Variants in CFAP69 observed in about 807,000 individuals in gnomAD.
CFAP69 encodes the protein cilia- and flagella-associated protein 69.
CFAP69 carries 92 observed loss-of-function variants against 123.0 expected under a neutral mutation model. The ratio of observed to expected loss-of-function variants is 0.75; its 90% CI spans 0.63 to 0.89. CFAP69 has a LOEUF of 0.89. Among genes scored for constraint, CFAP69 ranks in the 40% least tolerant of loss-of-function variants. The pLI is 0.00. For missense variants in CFAP69, 1,067 were observed against 1,096.9 expected, an observed-to-expected ratio of 0.97 and a Z score of 0.39; for synonymous variants, 380 against 364.3, an observed-to-expected ratio of 1.04 and a Z score of -0.49.
In CFAP69 at chr7:90,303,665, A is replaced by G. The variant is rs142610590; in HGVS notation, c.2051-304A>G. ...ATCACTGTTAAACTGACATTACTCA[A>G]GTTCTGGATTTCAAAATTTTTTAAA... On this transcript the variant is annotated intron_variant, in intron 17 of 22. Transcript: ENST00000389297. 4.2e-4 allele frequency: 413 copies of G among 990,486 alleles called. 1 individual carries two copies. In the African/African-American group the frequency reaches 6.6e-3, roughly 16 times the overall value. The allele number at this position is 990,486 out of a possible 1,614,324, so 61.4% of individuals were successfully genotyped here.
chr7:90,309,125 G>C (rs900108244), intron 21 of CFAP69, 138 bp from the exon 22 acceptor site: 6 of 453,336 alleles, frequency 1.3e-5, no homozygotes, highest in Non-Finnish European at 2.4e-5. Flanking sequence ...GTCTAAATGA[G>C]TAAATGCAGA....
At chr7:90,291,816 G>A (rs1284982459) in intron 15 of CFAP69, among the ~76,000 whole-genome samples, 1 of 152,118 alleles carries the variant, frequency 6.6e-6, no homozygotes, top group Non-Finnish European at 1.5e-5. Flanking sequence ...ATATCTGAAA[G>A]AGTAACAATT....
chr7:90,269,904 A>T (rs1799709683), intron 6 of CFAP69, among the ~76,000 whole-genome samples: 1 of 152,140 alleles, frequency 6.6e-6, no homozygotes, highest in Admixed American at 6.5e-5. Context: ...GGAAGGTGAA[A>T]TTCTCAAAGA....
At chr7:90,292,032 T>A (rs1300524440) in intron 15 of CFAP69, among the ~76,000 whole-genome samples, 1 of 152,204 alleles carries the variant, frequency 6.6e-6, no homozygotes, top group East Asian at 1.9e-4. Flanking sequence ...ACCATAGTTC[T>A]TGAAACATAT....
At chr7:90,282,063 G>A (rs147223636) in intron 12 of CFAP69, among the ~76,000 whole-genome samples, 389 of 152,114 alleles carry the variant, frequency 2.6e-3, no homozygotes, top group African/African-American at 8.8e-3. Context: ...AACAGATTTC[G>A]TGGGGGAAAA....
Position 90,286,403 on chromosome 7 carries a change from T to A in CFAP69, c.1656+4T>A, listed in dbSNP as rs781501078. ...TGAGAATCACATTCAAAGGAAGGTA[T>A]GTATGCCTGTGAAAGTTTTGTTCAG... On this transcript the variant is annotated splice_donor_region_variant and intron_variant, in intron 14 of 22. Coordinates refer to ENST00000389297, the MANE Select transcript of CFAP69 (RefSeq NM_001039706.3). The A allele has an allele frequency of 1.2e-6, 2 of 1,609,796 alleles. No individual in the cohort carries two copies. Among genetic ancestry groups the A allele is most frequent in the Middle Eastern group, 1.7e-4 (1 of 6,048 alleles).
intron 8 of CFAP69, among the ~76,000 whole-genome samples, chr7:90,273,184 G>A (rs573984237): frequency 3.4e-4 from 51 of 152,178 alleles, no homozygotes; most frequent in African/African-American, 1.1e-3. Context: ...TTTTGCATGC[G>A]GAGAGCATCC....
At chr7:90,246,299 G>C (rs530378108) in intron 1 of CFAP69, among the ~76,000 whole-genome samples, 19 of 152,264 alleles carry the variant, frequency 1.2e-4, no homozygotes, top group African/African-American at 4.6e-4. Flanking sequence ...GGATTCCATT[G>C]ATCCCCCAGA....
intron 15 of CFAP69, among the ~76,000 whole-genome samples, chr7:90,296,300 G>C (rs1791951411): frequency 1.3e-5 from 2 of 151,992 alleles, no homozygotes; most frequent in African/African-American, 2.4e-5. Context: ...ATTGACCAAG[G>C]CCTGAGGCAC....
rs1340734716 is a variant in CFAP69, at chr7:90,262,725, C to T, written c.356+669C>T. On this transcript the variant is annotated intron_variant, in intron 4 of 22. Coordinates refer to ENST00000389297, the MANE Select transcript of CFAP69 (RefSeq NM_001039706.3). Reference sequence around the variant, plus strand: ...GAATAAACCTTTTGGACAATTTTACCTTCTGAACCTTTCTACCAATTTAAC... The same window carrying T: ...GAATAAACCTTTTGGACAATTTTACTTTCTGAACCTTTCTACCAATTTAAC... Among the ~76,000 whole-genome samples the T allele has an allele frequency of 3.3e-5, 5 of 151,860 alleles. No homozygotes were observed. The East Asian group carries it at 9.7e-4, about 29-fold the overall frequency.
chr7:90,279,951 C>T lies in CFAP69; in HGVS notation c.1372+58C>T, dbSNP rs574014348. On this transcript the variant is annotated intron_variant, in intron 12 of 22. Coordinates refer to ENST00000389297, the MANE Select transcript of CFAP69 (RefSeq NM_001039706.3). ...CTAATCTTCATATTTCAACTGAATG[C>T]TCAGTATATGCATAGAAATAACAAT... 7 of 1,302,514 alleles carry T rather than the reference C, an allele frequency of 5.4e-6. No individual in the cohort carries two copies. In the South Asian group the frequency reaches 7.6e-5, roughly 14 times the overall value. 80.7% of individuals were successfully genotyped at this position (1,302,514 alleles called of 1,614,324 possible). A position where few individuals can be genotyped will look rare whatever the true frequency, so the allele number is the denominator to read the frequency against.
At chr7:90,295,962 G>A (rs1791889856) in intron 15 of CFAP69, among the ~76,000 whole-genome samples, 1 of 152,156 alleles carries the variant, frequency 6.6e-6, no homozygotes, top group Non-Finnish European at 1.5e-5. Flanking sequence ...CTTGGTTTTG[G>A]TGGGTTTTAG....
chr7:90,304,842 T>A, intron 19 of CFAP69, 22 bp downstream of exon 19: 1 of 1,341,026 alleles, frequency 7.5e-7, no homozygotes, highest in Non-Finnish European at 1.0e-6. Context: ...TTTAATAACC[T>A]GATTATTAAA....
downstream of CFAP69, among the ~76,000 whole-genome samples, chr7:90,315,038 A>G (rs774478266): frequency 4.0e-5 from 6 of 151,880 alleles, no homozygotes; most frequent in East Asian, 1.9e-4. Context: ...GAGAAATGCT[A>G]TGAAACCACA....
chr7:90,299,764 A>T, intron 16 of CFAP69, 103 bp from the exon 17 acceptor site: 2 of 956,800 alleles, frequency 2.1e-6, no homozygotes, highest in East Asian at 2.8e-5. Flanking sequence ...CTGAGTTTAG[A>T]AGAAACTTAA....
At position 90,310,976 on chromosome 7, in the gene CFAP69, AATGTTAGTC is replaced by A. The variant is rs1276866414; in HGVS notation, c.*742_*750del. ...TTATGTTTTCTCTGCTATAAAAGCA[AATGTTAGTC>A]ATGAGCCAAATGGTAAAAAAGAAAA... On this transcript the variant is annotated 3_prime_UTR_variant, in exon 23 of 23. Coordinates refer to ENST00000389297, the MANE Select transcript of CFAP69 (RefSeq NM_001039706.3). 6.6e-6 allele frequency: 1 copy of A among 152,240 alleles called. No homozygotes were observed. The highest frequency in any genetic ancestry group is 1.5e-5 in the Non-Finnish European group (1 of 68,056). 9.4% of individuals were successfully genotyped at this position (152,240 alleles called of 1,614,324 possible).
chr7:90,306,270 C>T (rs886796876), intron 19 of CFAP69, among the ~76,000 whole-genome samples: 4 of 152,042 alleles, frequency 2.6e-5, no homozygotes, highest in South Asian at 2.1e-4. Context: ...TTTTATGGGT[C>T]CAGCACACTT....
Position 90,271,526 on chromosome 7 carries a change from G to T in CFAP69, c.533G>T (p.Gly178Val), listed in dbSNP as rs377701659. 1 of 1,609,418 alleles carries T rather than the reference G, an allele frequency of 6.2e-7. No individual in the cohort carries two copies. The highest frequency in any genetic ancestry group is 8.5e-7 in the Non-Finnish European group (1 of 1,178,518). ...GTATTTATTAATGAATTGTTGTTAG[G>T]TTACCAGCAAGCGAGTTCATCATAC... ...HAEPPKKHIP[G>V]YQQASSSYKI... The change falls in exon 7 of 23, where the codon GGT (glycine) becomes GTT (valine). Residue 178 changes from glycine (G) to valine (V), a missense_variant and splice_region_variant. Gly to Val is a moderately radical substitution (Grantham distance 109). Coordinates refer to ENST00000389297, the MANE Select transcript of CFAP69 (RefSeq NM_001039706.3).
At chr7:90,291,289 A>G (rs1264932608) in intron 15 of CFAP69, among the ~76,000 whole-genome samples, 5 of 152,172 alleles carry the variant, frequency 3.3e-5, no homozygotes, top group African/African-American at 9.7e-5. Context: ...TATAGAACAT[A>G]TAAGTTAACT....
Sources: gnomAD v4.1 joint callset for allele counts (sites outside exome capture counted in the v4.1 genomes callset) on GRCh38, gnomAD v4.1.1 for gene constraint, MANE v1.5 for transcripts, NCBI Gene and HGNC (gene_info 2026-07-23, HGNC 2026-07-21) for gene names.